ERP44: variants seen among roughly 807,000 people sequenced by gnomAD.
ERP44 encodes endoplasmic reticulum resident protein 44.
ERP44 carries 25 observed loss-of-function variants against 53.4 expected under a neutral mutation model. That is an observed-to-expected ratio of 0.47 (90% confidence interval 0.34 to 0.65). ERP44 has a LOEUF of 0.65. Among genes scored for constraint, ERP44 ranks in the 30% least tolerant of loss-of-function variants. The pLI is 0.01. For missense variants in ERP44, 338 were observed against 493.2 expected (o/e 0.69, Z 2.98); for synonymous variants, 145 against 161.2 (o/e 0.90, Z 0.76).
chr9:100,045,502 G>A (rs1049916446), intron 4 of ERP44, among the ~76,000 whole-genome samples: 1 of 152,132 alleles, frequency 6.6e-6, no homozygotes, highest in East Asian at 1.9e-4. Flanking sequence ...GAGGTGTAAT[G>A]CGTCGTGGTA....
chr9:100,090,184 A>G (rs181463590), intron 1 of ERP44, among the ~76,000 whole-genome samples: 173 of 152,312 alleles, frequency 1.1e-3, no homozygotes, highest in Non-Finnish European at 2.2e-3. Context: ...AAAAGTAGCT[A>G]TTCTTTATTC....
In ERP44 at chr9:99,981,350, G is replaced by C. The variant is rs1295237374; in HGVS notation, c.*1262C>G. ...TATTAATTTTATTTTAAAAGAATTG[G>C]AAGATGTTACATATATTACATACTA... On this transcript the variant is annotated 3_prime_UTR_variant, in exon 12 of 12. Transcript: ENST00000262455. 1 of 152,494 alleles carries C rather than the reference G, an allele frequency of 6.6e-6. No homozygotes were observed. Among genetic ancestry groups the C allele is most frequent in the Non-Finnish European group, 1.5e-5 (1 of 68,022 alleles). The allele number at this position is 152,494 out of a possible 1,614,324, so 9.4% of individuals were successfully genotyped here.
At chr9:99,994,494 G>T (rs1477719421) in intron 10 of ERP44, among the ~76,000 whole-genome samples, 1 of 152,110 alleles carries the variant, frequency 6.6e-6, no homozygotes, top group Non-Finnish European at 1.5e-5. Context: ...ACACACCGGG[G>T]CCTGGTGTGG....
At chr9:100,097,456 A>C (rs1236691313) in intron 1 of ERP44, among the ~76,000 whole-genome samples, 3 of 152,166 alleles carry the variant, frequency 2.0e-5, no homozygotes, top group African/African-American at 7.2e-5. Context: ...GTCTCTAATA[A>C]TGGTATTATT....
intron 10 of ERP44, among the ~76,000 whole-genome samples, chr9:99,989,229 C>T (rs1040396787): frequency 6.6e-6 from 1 of 152,240 alleles, no homozygotes; most frequent in African/African-American, 2.4e-5. Context: ...AGACTGCCTC[C>T]TCAAGTGGGT....
intron 1 of ERP44, among the ~76,000 whole-genome samples, chr9:100,069,357 G>A (rs1826274508): frequency 6.6e-6 from 1 of 151,578 alleles, no homozygotes; most frequent in African/African-American, 2.4e-5. Flanking sequence ...TATATGTACT[G>A]TATATATATT....
chr9:100,069,644 A>C (rs1174156894), intron 1 of ERP44, among the ~76,000 whole-genome samples: 1 of 148,000 alleles, frequency 6.8e-6, no homozygotes, highest in Non-Finnish European at 1.5e-5. Context: ...AGTTCAAATA[A>C]AAAAAAAATT....
chr9:99,985,286 A>G (rs1830184401), intron 10 of ERP44, among the ~76,000 whole-genome samples: 2 of 152,198 alleles, frequency 1.3e-5, no homozygotes, highest in Non-Finnish European at 2.9e-5. Context: ...TTTCATAGAA[A>G]AATTTCCATG....
intron 4 of ERP44, among the ~76,000 whole-genome samples, chr9:100,026,395 A>G (rs990357381): frequency 1.2e-4 from 19 of 152,226 alleles, no homozygotes; most frequent in Non-Finnish European, 2.6e-4. Context: ...TTTTTAAGAC[A>G]GACAGGAAGA....
intron 3 of ERP44, among the ~76,000 whole-genome samples, chr9:100,057,566 G>A (rs1010877326): frequency 6.6e-6 from 1 of 152,136 alleles, no homozygotes; most frequent in African/African-American, 2.4e-5. Context: ...TTTGAGTCGG[G>A]GGTGGAGAGA....
chr9:100,092,536 G>A lies in ERP44; in HGVS notation c.57+6248C>T, dbSNP rs115369333. Among the ~76,000 whole-genome samples, 317 of 152,356 alleles carry A rather than the reference G, an allele frequency of 2.1e-3. 2 individuals are homozygous for A. Among genetic ancestry groups the A allele is most frequent in the African/African-American group, 7.3e-3 (302 of 41,580 alleles). On this transcript the variant is annotated intron_variant, in intron 1 of 11. Transcript: ENST00000262455. ...TGGAAGAGTCGGAACTTACATAGAT[G>A]CCATGACATCTACTTTTGCATTACA...
chr9:100,089,225 A>G (rs892024761), intron 1 of ERP44, among the ~76,000 whole-genome samples: 6 of 152,112 alleles, frequency 3.9e-5, no homozygotes, highest in Non-Finnish European at 8.8e-5. Flanking sequence ...GTGTTCAAAA[A>G]CCCATACTTT....
chr9:100,036,225 C>T (rs1825847426), intron 4 of ERP44, among the ~76,000 whole-genome samples: 1 of 152,060 alleles, frequency 6.6e-6, no homozygotes, highest in Admixed American at 6.5e-5. Flanking sequence ...TAAAAATCAA[C>T]AAAATCATTT....
intron 10 of ERP44, among the ~76,000 whole-genome samples, chr9:100,001,720 C>T (rs1285777483): frequency 6.6e-6 from 1 of 152,138 alleles, no homozygotes; most frequent in Non-Finnish European, 1.5e-5. Context: ...ATAGGTGAAG[C>T]GAATCTCTTG....
chr9:100,038,770 A>T (rs1454653561), intron 4 of ERP44, among the ~76,000 whole-genome samples: 1 of 152,148 alleles, frequency 6.6e-6, no homozygotes, highest in African/African-American at 2.4e-5. Flanking sequence ...CTCTACCTCT[A>T]AAGACATACA....
chr9:99,983,558 A>G (rs1587952130), intron 11 of ERP44, among the ~76,000 whole-genome samples: 1 of 150,676 alleles, frequency 6.6e-6, no homozygotes, highest in Non-Finnish European at 1.5e-5. Flanking sequence ...TCTCAAAAAA[A>G]AAAAAAAAAA....
chr9:100,060,225 C>T (rs932665656), intron 1 of ERP44, 53 bp from the exon 2 acceptor site: 12 of 1,368,142 alleles, frequency 8.8e-6, no homozygotes, highest in South Asian at 3.7e-5. Context: ...AAGACAAATA[C>T]GTAAAAGCGA....
At position 100,098,972 on chromosome 9, in the gene ERP44, C is replaced by G. The variant is rs1413931974; in HGVS notation, c.-132G>C. The G allele has an allele frequency of 1.2e-5, 8 of 690,050 alleles. No homozygotes were observed. The highest frequency in any genetic ancestry group is 7.2e-5 in the African/African-American group (4 of 55,682). 42.7% of individuals were successfully genotyped at this position (690,050 alleles called of 1,614,324 possible). On this transcript the variant is annotated 5_prime_UTR_variant, in exon 1 of 12. Coordinates refer to ENST00000262455, the MANE Select transcript of ERP44 (RefSeq NM_015051.3). ...ATTCTCCAGGCAGCGGCACCTCGTC[C>G]TCTCGACCCGGGCTCCAGCGGCGAA... is the stretch of plus-strand genomic sequence containing the variant.
rs1174946523 is a variant in ERP44, at chr9:100,098,848, C to G, written c.-8G>C. The stretch of plus-strand genomic sequence containing the variant: ...GAAGACGGCAGGATGCATGGTAACG[C>G]TGGGGTCCGTGACAGGGACAGGCGC... On this transcript the variant is annotated 5_prime_UTR_variant, in exon 1 of 12. Transcript: ENST00000262455. 4.3e-6 allele frequency: 7 copies of G among 1,612,900 alleles called. No homozygotes were observed. Among genetic ancestry groups the G allele is most frequent in the Admixed American group, 3.3e-5 (2 of 59,886 alleles).
Sources: allele counts gnomAD v4.1 joint callset (sites outside exome capture counted in the v4.1 genomes callset), GRCh38; gene constraint gnomAD v4.1.1; transcripts MANE v1.5; gene names NCBI Gene and HGNC (gene_info 2026-07-23, HGNC 2026-07-21).